ANKFN1: variants seen among roughly 807,000 people sequenced by gnomAD.
The protein encoded by ANKFN1 is ankyrin repeat and fibronectin type-III domain-containing protein 1.
In ANKFN1, 74 loss-of-function variants were observed where a neutral mutation model predicts 108.7. The observed-to-expected ratio is 0.68, with a 90% CI of 0.56 to 0.83. The LOEUF (loss-of-function observed/expected upper bound fraction) is 0.83. Ranked by LOEUF, ANKFN1 falls within the 40% of genes least tolerant of loss-of-function variation. The pLI is 0.00. For missense variants in ANKFN1, 1,505 were observed against 1,382.3 expected, an observed-to-expected ratio of 1.09 and a Z score of -1.41; for synonymous variants, 547 against 516.2, an observed-to-expected ratio of 1.06 and a Z score of -0.81.
chr17:56,221,884 G>A (rs1183867000), intron 2 of ANKFN1, among the ~76,000 whole-genome samples: 1 of 152,178 alleles, frequency 6.6e-6, no homozygotes, highest in Non-Finnish European at 1.5e-5. Flanking sequence ...TGAAGCCTGG[G>A]AAAATGCCTG....
At chr17:56,485,982 G>A (rs2050843276) in intron 18 of ANKFN1, among the ~76,000 whole-genome samples, 2 of 152,178 alleles carry the variant, frequency 1.3e-5, no homozygotes, top group South Asian at 4.1e-4. Flanking sequence ...TATTGCCTAT[G>A]ACAAAGAGAT....
intron 3 of ANKFN1, among the ~76,000 whole-genome samples, chr17:56,256,737 C>A (rs1452800264): frequency 1.3e-5 from 2 of 152,170 alleles, no homozygotes; most frequent in African/African-American, 4.8e-5. Flanking sequence ...CTAATATCCT[C>A]CATTTTACAG....
At chr17:56,142,335 A>G (rs1405934142) in intron 4 of ANKFN1, among the ~76,000 whole-genome samples, 1 of 152,204 alleles carries the variant, frequency 6.6e-6, no homozygotes, top group Non-Finnish European at 1.5e-5. Flanking sequence ...GACAAGTTGC[A>G]AATCTCCTTA....
At chr17:56,389,901 C>T (rs894068842) in intron 8 of ANKFN1, among the ~76,000 whole-genome samples, 5 of 152,284 alleles carry the variant, frequency 3.3e-5, no homozygotes, top group Non-Finnish European at 7.4e-5. Context: ...CCAGTTCCCC[C>T]ACCACAGGAC....
intron 11 of ANKFN1, among the ~76,000 whole-genome samples, chr17:56,453,465 A>G (rs2049565808): frequency 6.6e-6 from 1 of 152,194 alleles, no homozygotes; most frequent in South Asian, 2.1e-4. Context: ...TCTCAATATA[A>G]TCAGATGCTT....
rs777150639 is a variant in ANKFN1, at chr17:56,457,843, T to C, written c.1441-20T>C. The C allele has an allele frequency of 6.3e-7, 1 of 1,578,782 alleles. No homozygotes were observed. Among genetic ancestry groups the C allele is most frequent in the Non-Finnish European group, 8.7e-7 (1 of 1,148,784 alleles). On this transcript the variant is annotated intron_variant, in intron 13 of 20. Coordinates refer to ENST00000682825, the MANE Select transcript of ANKFN1 (RefSeq NM_001370326.1). The stretch of plus-strand genomic sequence containing the variant: ...TGTACTGGCTTGGACGATGACATGA[T>C]TGCATGCCTTCTTTTGCAGCTGTCT...
intron 1 of ANKFN1, among the ~76,000 whole-genome samples, chr17:56,189,327 C>A (rs550240689): frequency 6.7e-6 from 1 of 148,444 alleles, no homozygotes; most frequent in Admixed American, 6.8e-5. Flanking sequence ...CCCGCCACTA[C>A]GCCTGGCTAA....
chr17:56,454,985 A>T (rs912425738), intron 11 of ANKFN1, among the ~76,000 whole-genome samples: 6 of 152,266 alleles, frequency 3.9e-5, no homozygotes, highest in East Asian at 1.9e-4. Context: ...GAGGAGATCT[A>T]GAAGTCTAAC....
At chr17:56,342,561 G>T (rs1322931254) in intron 4 of ANKFN1, among the ~76,000 whole-genome samples, 1 of 151,988 alleles carries the variant, frequency 6.6e-6, no homozygotes, top group Admixed American at 6.6e-5. Flanking sequence ...TTACCCAAAT[G>T]CCATTCAGGA....
At position 56,510,946 on chromosome 17, in the gene ANKFN1, C is replaced by A; in HGVS notation, c.3118C>A (p.Gln1040Lys). 2.0e-6 allele frequency: 3 copies of A among 1,536,162 alleles called. No individual in the cohort carries two copies. In the South Asian group the frequency reaches 3.6e-5, roughly 18 times the overall value. ...SEGIYTQHLSQACGLAQEPKE... is the reference protein window; with the variant it reads ...SEGIYTQHLSKACGLAQEPKE... ...GGGCATTTATACACAGCACCTGTCC[C>A]AGGCCTGTGGTCTGGCCCAGGAGCC... is the stretch of plus-strand genomic sequence containing the variant. The change falls in exon 21 of 21, where the codon CAG (glutamine) becomes AAG (lysine). Residue 1040 changes from glutamine (Q) to lysine (K), a missense_variant. Physicochemically the swap from Gln to Lys is moderately conservative, Grantham distance 53. Coordinates refer to ENST00000682825, the MANE Select transcript of ANKFN1 (RefSeq NM_001370326.1).
At chr17:56,293,965 G>A (rs1234359842) in intron 3 of ANKFN1, among the ~76,000 whole-genome samples, 4 of 152,128 alleles carry the variant, frequency 2.6e-5, no homozygotes, top group Non-Finnish European at 5.9e-5. Context: ...TCACCATGGG[G>A]TTTAGCCACC....
intron 3 of ANKFN1, among the ~76,000 whole-genome samples, chr17:56,265,166 A>G (rs1270755517): frequency 1.3e-5 from 2 of 152,186 alleles, no homozygotes; most frequent in Non-Finnish European, 2.9e-5. Context: ...ATTTGGGCAA[A>G]CAGTGTTCTA....
chr17:56,070,891 C>T (rs938800385), intron 4 of ANKFN1, among the ~76,000 whole-genome samples: 2 of 152,008 alleles, frequency 1.3e-5, no homozygotes, highest in African/African-American at 2.4e-5. Flanking sequence ...CACACCACCA[C>T]GCCCAGCTAA....
chr17:56,492,513 A>G (rs900915238), intron 19 of ANKFN1, among the ~76,000 whole-genome samples, 160 bp downstream of exon 19: 3 of 152,150 alleles, frequency 2.0e-5, no homozygotes, highest in Non-Finnish European at 4.4e-5. Flanking sequence ...TCAGGCAGAT[A>G]AGTTTTCAAA....
At position 56,440,446 on chromosome 17, in the gene ANKFN1, T is replaced by C. The variant is rs1211639061; in HGVS notation, c.1008+22T>C. 7 of 1,565,650 alleles carry C rather than the reference T, an allele frequency of 4.5e-6. No homozygotes were observed. In the Admixed American group the frequency reaches 1.0e-4, roughly 23 times the overall value. On this transcript the variant is annotated intron_variant, in intron 9 of 20. Transcript: ENST00000682825. ...AATGGTAAATGTCCCCAGTAGACTT[T>C]TCATTTCCCTATTGCTGATATTTGT...
intron 6 of ANKFN1, among the ~76,000 whole-genome samples, chr17:56,361,617 C>A (rs1201664811): frequency 6.6e-6 from 1 of 151,878 alleles, no homozygotes; most frequent in Non-Finnish European, 1.5e-5. Context: ...TAATAATTAC[C>A]CCCAAACAGC....
intron 1 of ANKFN1, among the ~76,000 whole-genome samples, chr17:56,193,092 G>A (rs1411607165): frequency 2.2e-5 from 2 of 91,250 alleles, no homozygotes; most frequent in South Asian, 4.2e-4. Flanking sequence ...ATGAGTTCAT[G>A]TCCTTTGTAG....
At chr17:56,179,116 A>G (rs1911443372) in intron 1 of ANKFN1, among the ~76,000 whole-genome samples, 1 of 152,154 alleles carries the variant, frequency 6.6e-6, no homozygotes, top group Non-Finnish European at 1.5e-5. Flanking sequence ...GTGAGATGTC[A>G]TTCACCCTCC....
intron 1 of ANKFN1, among the ~76,000 whole-genome samples, chr17:56,178,208 C>T (rs531186575): frequency 6.6e-6 from 1 of 152,252 alleles, no homozygotes; most frequent in African/African-American, 2.4e-5. Flanking sequence ...GATGAGACCC[C>T]AGAATGATCT....
Sources: gnomAD v4.1 joint callset for allele counts (sites outside exome capture counted in the v4.1 genomes callset) on GRCh38, gnomAD v4.1.1 for gene constraint, MANE v1.5 for transcripts, NCBI Gene and HGNC (gene_info 2026-07-23, HGNC 2026-07-21) for gene names.